The following ESR1 variants were observed in gnomAD, a reference collection of about 807,000 sequenced individuals.
The protein encoded by ESR1 is estrogen receptor.
In ESR1, 12 loss-of-function variants were observed where a neutral mutation model predicts 52.7. The observed-to-expected ratio is 0.23, with a 90% CI of 0.15 to 0.37. The LOEUF (loss-of-function observed/expected upper bound fraction) is 0.37, where lower values mean the gene tolerates loss of function less well. Among genes scored for constraint, ESR1 ranks in the 10% least tolerant of loss-of-function variants. The probability of loss-of-function intolerance (pLI) is 1.00; values close to 1 mark genes in which losing one functional copy is unlikely to be tolerated. For missense variants in ESR1, 584 were observed against 779.7 expected (o/e 0.75, Z 2.99); for synonymous variants, 305 against 316.8 (o/e 0.96, Z 0.39).
intron 6 of ESR1, among the ~76,000 whole-genome samples, chr6:152,108,738 A>G (rs2051096796): frequency 6.6e-6 from 1 of 152,202 alleles, no homozygotes; most frequent in Non-Finnish European, 1.5e-5. Context: ...GCTGGATTAC[A>G]TACTAGGTAA....
chr6:151,662,699 G>A (rs933767698), intron 1 of ESR1, among the ~76,000 whole-genome samples: 10 of 152,336 alleles, frequency 6.6e-5, no homozygotes, highest in East Asian at 5.8e-4. Flanking sequence ...GGTTCTGCCC[G>A]TCTTTCTGAG....
At chr6:151,679,041 A>T (rs185649708) in intron 1 of ESR1, among the ~76,000 whole-genome samples, 1 of 152,168 alleles carries the variant, frequency 6.6e-6, no homozygotes, top group African/African-American at 2.4e-5. Flanking sequence ...GTCCCATGCT[A>T]TCTGACCCTT....
intron 1 of ESR1, among the ~76,000 whole-genome samples, chr6:151,695,247 T>C (rs1779250980): frequency 6.6e-6 from 1 of 152,206 alleles, no homozygotes. Flanking sequence ...TAGTCTCCTA[T>C]TTAAAGCTGC....
chr6:151,736,375 G>GTTTTTTTTTTTTTTTTTTTT lies in ESR1; in HGVS notation c.-71+34385_-71+34386insTTTTTTTTTTTTTTTTTTTT, dbSNP rs10624912. 2.4e-3 allele frequency among the ~76,000 whole-genome samples: 267 copies of GTTTTTTTTTTTTTTTTTTTT among 112,664 alleles called. 32 individuals are homozygous for GTTTTTTTTTTTTTTTTTTTT. The highest frequency in any genetic ancestry group is 9.8e-3 in the African/African-American group (257 of 26,120). 73.9% of individuals were successfully genotyped at this position (112,664 alleles called of 152,430 possible). A position where few individuals can be genotyped will look rare whatever the true frequency, so the allele number is the denominator to read the frequency against. On this transcript the variant is annotated intron_variant, in intron 2 of 2. Transcript: ENST00000404742. ...AAATACTTACTGTATTCCAGGTAGTGTTTTTTTTTTTTTTTGAGATGGAGT... is the reference window on the plus strand; with the variant it reads ...AAATACTTACTGTATTCCAGGTAGTGTTTTTTTTTTTTTTTTTTTTTTTTTTTTTTTTTTTGAGATGGAGT...
Position 151,807,687 on chromosome 6 carries a change from G to T in ESR1, c.-226G>T. 1.6e-6 allele frequency: 1 copy of T among 609,542 alleles called. No homozygotes were observed. Among genetic ancestry groups the T allele is most frequent in the Non-Finnish European group, 2.9e-6 (1 of 341,822 alleles). 37.8% of individuals were successfully genotyped at this position (609,542 alleles called of 1,614,324 possible). ...TGGAGGCCCGGGAGCCCAGGAGCTG[G>T]CGGAGGGCGTTCGTCCTGGGACTGC... On this transcript the variant is annotated 5_prime_UTR_variant, in exon 1 of 8. Transcript: ENST00000206249.
At chr6:151,959,023 A>T (rs958329009) in intron 4 of ESR1, among the ~76,000 whole-genome samples, 1 of 143,010 alleles carries the variant, frequency 7.0e-6, no homozygotes, top group Non-Finnish European at 1.5e-5. Context: ...GAGGAGTTCT[A>T]TGCATCTGCA....
chr6:151,996,867 A>G lies in ESR1; in HGVS notation c.1097-14789A>G, dbSNP rs111524552. On this transcript the variant is annotated intron_variant, in intron 4 of 7. Transcript: ENST00000206249. ...ATAAGTGCCACGCTTGGAGTAAAGT[A>G]CAGGGAATCTCATTTTTTGGGTAAT... 3.4e-4 allele frequency among the ~76,000 whole-genome samples: 52 copies of G among 152,284 alleles called. 1 individual carries two copies. The highest frequency in any genetic ancestry group is 1.2e-3 in the African/African-American group (50 of 41,576).
At chr6:151,689,422 T>A (rs1263982907), upstream of ESR1, among the ~76,000 whole-genome samples, 1 of 152,240 alleles carries the variant, frequency 6.6e-6, no homozygotes, top group Non-Finnish European at 1.5e-5. Context: ...AATTAAATAC[T>A]TTACATATTA....
chr6:152,055,473 CAT>C (rs1214396429), intron 5 of ESR1, among the ~76,000 whole-genome samples: 2 of 152,186 alleles, frequency 1.3e-5, no homozygotes, highest in Non-Finnish European at 2.9e-5. Flanking sequence ...CACCCTTTGC[CAT>C]AAGACTGAGT....
intron 4 of ESR1, among the ~76,000 whole-genome samples, chr6:151,946,995 G>T (rs925124043): frequency 3.3e-5 from 5 of 152,164 alleles, no homozygotes; most frequent in Non-Finnish European, 4.4e-5. Flanking sequence ...ATAATAGTTT[G>T]AGAATGACAA....
At chr6:152,030,513 A>G (rs535043448) in intron 5 of ESR1, among the ~76,000 whole-genome samples, 3 of 152,314 alleles carry the variant, frequency 2.0e-5, no homozygotes, top group Middle Eastern at 3.4e-3. Context: ...ACAGACTTTA[A>G]ACCAACAAAG....
intron 5 of ESR1, among the ~76,000 whole-genome samples, chr6:152,058,778 T>G (rs775873263): frequency 1.8e-4 from 27 of 152,180 alleles, no homozygotes; most frequent in Non-Finnish European, 3.5e-4. Context: ...TGTAATAGGC[T>G]CTCAGTAAAT....
At chr6:151,839,803 AG>A (rs1783985763) in intron 1 of ESR1, among the ~76,000 whole-genome samples, 1 of 152,158 alleles carries the variant, frequency 6.6e-6, no homozygotes, top group Non-Finnish European at 1.5e-5. Context: ...GGATAGGGGA[AG>A]GAGAAAATGG....
chr6:152,028,237 T>C (rs1215002145), intron 5 of ESR1, among the ~76,000 whole-genome samples: 1 of 152,104 alleles, frequency 6.6e-6, no homozygotes, highest in Non-Finnish European at 1.5e-5. Context: ...AGACAAATGA[T>C]TTTTGCATTT....
At chr6:151,665,130 T>A (rs1777774955) in intron 1 of ESR1, among the ~76,000 whole-genome samples, 1 of 151,948 alleles carries the variant, frequency 6.6e-6, no homozygotes, top group Non-Finnish European at 1.5e-5. Flanking sequence ...GTGTGGAGGG[T>A]GGTTTAGGAT....
At chr6:151,951,241 C>T (rs1217746964) in intron 4 of ESR1, among the ~76,000 whole-genome samples, 1 of 151,918 alleles carries the variant, frequency 6.6e-6, no homozygotes, top group African/African-American at 2.4e-5. Flanking sequence ...GCTGGGGCTC[C>T]AATGTCGTTT....
chr6:151,731,464 GAC>G (rs1782236855), intron 2 of ESR1, among the ~76,000 whole-genome samples: 1 of 152,102 alleles, frequency 6.6e-6, no homozygotes, highest in Non-Finnish European at 1.5e-5. Flanking sequence ...GAGCAATGTG[GAC>G]ATGGGCAGCT....
intron 5 of ESR1, among the ~76,000 whole-genome samples, chr6:152,058,440 A>G (rs1475826691): frequency 6.6e-6 from 1 of 152,082 alleles, no homozygotes; most frequent in African/African-American, 2.4e-5. Flanking sequence ...TAAAAGGCCA[A>G]CCTCTCCCTT....
chr6:151,714,609 T>C (rs1446270396), intron 2 of ESR1, among the ~76,000 whole-genome samples: 1 of 152,226 alleles, frequency 6.6e-6, no homozygotes, highest in Non-Finnish European at 1.5e-5. Context: ...TTTGTCTTTT[T>C]TGATCTTTGT....
Sources: gnomAD v4.1 joint callset for allele counts (sites outside exome capture counted in the v4.1 genomes callset) on GRCh38, gnomAD v4.1.1 for gene constraint, MANE v1.5 for transcripts, NCBI Gene and HGNC (gene_info 2026-07-23, HGNC 2026-07-21) for gene names.